The following DENND5A variants were observed in gnomAD, a reference collection of about 807,000 sequenced individuals.
DENND5A encodes the protein DENN domain containing 5A.
DENND5A carries 64 observed loss-of-function variants against 140.3 expected under a neutral mutation model. That is an observed-to-expected ratio of 0.46 (90% CI 0.37 to 0.56). The LOEUF is 0.56. DENND5A is among the 20% of genes least tolerant of loss of function. The pLI, the probability that DENND5A is intolerant of heterozygous loss-of-function variation, is 0.00. For missense variants in DENND5A, 1,292 were observed against 1,593.8 expected (o/e 0.81, Z 3.22); for synonymous variants, 605 against 607.7 (o/e 1.00, Z 0.07).
At chr11:9,148,542 A>G (rs1226535657) in intron 15 of DENND5A, among the ~76,000 whole-genome samples, 1 of 152,150 alleles carries the variant, frequency 6.6e-6, no homozygotes, top group Non-Finnish European at 1.5e-5. Flanking sequence ...TGCAGTAAAA[A>G]TGGTAAGGAG....
chr11:9,188,251 A>C (rs1235185553), intron 5 of DENND5A, among the ~76,000 whole-genome samples: 1 of 152,052 alleles, frequency 6.6e-6, no homozygotes, highest in Non-Finnish European at 1.5e-5. Flanking sequence ...ATCCATGTAA[A>C]CATGATTTGC....
chr11:9,177,023 G>C (rs912450002), intron 8 of DENND5A: 11 of 425,710 alleles, frequency 2.6e-5, no homozygotes, highest in Non-Finnish European at 4.7e-5. Context: ...GGAATGCAGA[G>C]GTGGGAGAAC....
intron 1 of DENND5A, among the ~76,000 whole-genome samples, chr11:9,238,359 GTA>G (rs34584422): frequency 3.3e-5 from 5 of 150,102 alleles, no homozygotes; most frequent in East Asian, 1.9e-4. Flanking sequence ...GTGTGTGTGT[GTA>G]TATATATATA....
At chr11:9,144,321 C>A in intron 18 of DENND5A, 43 bp from the exon 19 acceptor site, 1 of 1,594,122 alleles carries the variant, frequency 6.3e-7, no homozygotes, top group Non-Finnish European at 8.6e-7. Flanking sequence ...CAGCTCCTCC[C>A]TGCTGCTCAC....
At chr11:9,245,732 C>T (rs1336269163) in intron 1 of DENND5A, among the ~76,000 whole-genome samples, 1 of 152,040 alleles carries the variant, frequency 6.6e-6, no homozygotes, top group Non-Finnish European at 1.5e-5. Context: ...CTCCCAAATT[C>T]AAGTGATTCT....
chr11:9,202,928 C>A (rs1039553302), intron 4 of DENND5A, among the ~76,000 whole-genome samples: 2 of 152,148 alleles, frequency 1.3e-5, no homozygotes, highest in African/African-American at 4.8e-5. Flanking sequence ...TTCTTTATAA[C>A]CCTTATTAAG....
At chr11:9,206,958 A>G (rs146080449) in intron 2 of DENND5A, among the ~76,000 whole-genome samples, 176 bp from the exon 3 acceptor site, 1 of 152,350 alleles carries the variant, frequency 6.6e-6, no homozygotes, top group African/African-American at 2.4e-5. Context: ...TCAGTAAAGA[A>G]GCTGAAAAAG....
intron 1 of DENND5A, among the ~76,000 whole-genome samples, chr11:9,246,912 C>G (rs1851497256): frequency 6.6e-6 from 1 of 152,234 alleles, no homozygotes; most frequent in African/African-American, 2.4e-5. Flanking sequence ...CTCCTGCTTT[C>G]CTGAAATTTA....
intron 5 of DENND5A, among the ~76,000 whole-genome samples, chr11:9,187,160 G>A (rs1848942806): frequency 6.6e-6 from 1 of 152,120 alleles, no homozygotes; most frequent in South Asian, 2.1e-4. Flanking sequence ...TCATACAATA[G>A]TCAATTACTA....
intron 1 of DENND5A, among the ~76,000 whole-genome samples, chr11:9,255,491 G>A (rs1735433651): frequency 6.6e-6 from 1 of 152,108 alleles, no homozygotes; most frequent in African/African-American, 2.4e-5. Flanking sequence ...CAGCACTTTG[G>A]GAGGTCGAGG....
At position 9,180,876 on chromosome 11, in the gene DENND5A, T is replaced by C; in HGVS notation, c.1346A>G (p.Asn449Ser). The C allele has an allele frequency of 5.6e-6, 9 of 1,614,212 alleles. No homozygotes were observed. Among genetic ancestry groups the C allele is most frequent in the Non-Finnish European group, 5.9e-6 (7 of 1,180,030 alleles). Residue 449 changes from asparagine (N) to serine (S), a missense_variant, in exon 6 of 23, where the codon AAT becomes AGT. By Grantham distance (46) the Asn-to-Ser change is conservative. This residue lies in a region of DENND5A where 566 missense variants were observed against 650.4 expected (regional missense o/e 0.87). Coordinates refer to ENST00000328194, the MANE Select transcript of DENND5A (RefSeq NM_015213.4). ...RASELVSDKR[N>S]GNIAGSPLHS... ...CAAAGGGGAGCCAGCAATGTTCCCA[T>C]TCCTCTTGTCCGAGACAAGCTCAGA...
At chr11:9,150,576 G>A in intron 14 of DENND5A, 104 bp downstream of exon 14, 1 of 742,162 alleles carries the variant, frequency 1.3e-6, no homozygotes, top group Non-Finnish European at 2.3e-6. Flanking sequence ...CATGTTAGCT[G>A]AGATGCTGTA....
intron 11 of DENND5A, among the ~76,000 whole-genome samples, chr11:9,162,630 T>C (rs987087824): frequency 1.3e-5 from 2 of 152,114 alleles, no homozygotes; most frequent in African/African-American, 4.8e-5. Context: ...AGTGACCACT[T>C]ACCCAACGAA....
chr11:9,259,801 G>T (rs1852112468), intron 1 of DENND5A, among the ~76,000 whole-genome samples: 1 of 152,018 alleles, frequency 6.6e-6, no homozygotes. Flanking sequence ...GGCCAATGCG[G>T]GTGGGTCACC....
In DENND5A at chr11:9,147,080, G is replaced by C; in HGVS notation, c.2807C>G (p.Ser936Cys). 6.2e-7 allele frequency: 1 copy of C among 1,614,180 alleles called. No homozygotes were observed. Among genetic ancestry groups the C allele is most frequent in the Non-Finnish European group, 8.5e-7 (1 of 1,179,974 alleles). ...EKEQFLYHLL[S>C]FNAVDYFCFT... The stretch of plus-strand genomic sequence containing the variant: ...GCAAAAGTAATCGACGGCATTGAAA[G>C]ACAGGAGGTGATAGAGGAACTGCTC... The change falls in exon 16 of 23, where the codon TCT becomes TGT. Residue 936 changes from serine (S) to cysteine (C), a missense_variant. Physicochemically the swap from Ser to Cys is moderately radical, Grantham distance 112. Around this residue, in one of 4 missense-constraint regions of DENND5A, gnomAD observed 498 missense variants for 689.7 expected, o/e 0.72. Coordinates refer to ENST00000328194, the MANE Select transcript of DENND5A (RefSeq NM_015213.4).
chr11:9,244,660 C>T (rs953010578), intron 1 of DENND5A, among the ~76,000 whole-genome samples: 2 of 151,902 alleles, frequency 1.3e-5, no homozygotes, highest in Non-Finnish European at 1.5e-5. Flanking sequence ...TTAGCCACCA[C>T]GCTCAGCCTA....
chr11:9,222,413 A>G (rs1248502614), intron 1 of DENND5A, among the ~76,000 whole-genome samples: 1 of 152,210 alleles, frequency 6.6e-6, no homozygotes, highest in Non-Finnish European at 1.5e-5. Context: ...TTATTCATAA[A>G]TGTTTGAAAC....
At chr11:9,225,461 T>C (rs997685851) in intron 1 of DENND5A, among the ~76,000 whole-genome samples, 1 of 152,208 alleles carries the variant, frequency 6.6e-6, no homozygotes, top group Non-Finnish European at 1.5e-5. Context: ...ATGTTGGCTC[T>C]TAATAATAAT....
chr11:9,253,847 C>G (rs979826672), intron 1 of DENND5A, among the ~76,000 whole-genome samples: 2 of 151,676 alleles, frequency 1.3e-5, no homozygotes, highest in Non-Finnish European at 2.9e-5. Flanking sequence ...GCCTGGGCAA[C>G]AGGGTGAGAC....
Sources: allele counts gnomAD v4.1 joint callset (sites outside exome capture counted in the v4.1 genomes callset), GRCh38; gene constraint gnomAD v4.1.1; regional missense constraint gnomAD v4.1.1; transcripts MANE v1.5; gene names NCBI Gene and HGNC (gene_info 2026-07-23, HGNC 2026-07-21).